Variants in LRP1B observed in about 807,000 individuals in gnomAD.
The protein encoded by LRP1B is low-density lipoprotein receptor-related protein 1B.
Under a neutral mutation model 556.6 loss-of-function variants are expected in LRP1B, and 217 were observed. That is an observed-to-expected ratio of 0.39 (90% CI 0.35 to 0.44). The LOEUF (loss-of-function observed/expected upper bound fraction) is 0.44, where lower values mean the gene tolerates loss of function less well. LRP1B is among the 20% of genes least tolerant of loss of function. The pLI is 1.00. For missense variants in LRP1B, 5,053 were observed against 5,620.8 expected, an observed-to-expected ratio of 0.90 and a Z score of 3.23; for synonymous variants, 2,047 against 1,865.8, an observed-to-expected ratio of 1.10 and a Z score of -2.50.
At chr2:141,247,381 T>C (rs992160400) in intron 4 of LRP1B, 27 bp from the exon 5 acceptor site, 1 of 1,611,200 alleles carries the variant, frequency 6.2e-7, no homozygotes, top group Non-Finnish European at 8.5e-7. Context: ...GCATCATTTC[T>C]AAGCAGCTTT....
At chr2:140,813,060 A>G (rs1036695989) in intron 32 of LRP1B, among the ~76,000 whole-genome samples, 1 of 152,174 alleles carries the variant, frequency 6.6e-6, no homozygotes, top group African/African-American at 2.4e-5. Context: ...GAGGTTAATT[A>G]TTTGCTCCAT....
At position 140,311,066 on chromosome 2, in the gene LRP1B, G is replaced by A. The variant is rs571159983; in HGVS notation, c.12805+3869C>T. ...TGTAGAGACAAGGGAACACTTATAC[G>A]CTGTTGGTGGGAATGTAAATTAGTA... On this transcript the variant is annotated intron_variant, in intron 83 of 90. Coordinates refer to ENST00000389484, the MANE Select transcript of LRP1B (RefSeq NM_018557.3). 7.9e-5 allele frequency among the ~76,000 whole-genome samples: 12 copies of A among 151,856 alleles called. No individual in the cohort carries two copies. The East Asian group carries it at 2.3e-3, about 29-fold the overall frequency.
In LRP1B at chr2:141,746,987, G is replaced by C. The variant is rs1693939772; in HGVS notation, c.205+63292C>G. 5.1e-4 allele frequency among the ~76,000 whole-genome samples: 5 copies of C among 9,720 alleles called. No individual in the cohort carries two copies. The Admixed American group carries it at 0.012, about 24-fold the overall frequency. 6.4% of individuals were successfully genotyped at this position (9,720 alleles called of 152,430 possible). A position where few individuals can be genotyped will look rare whatever the true frequency, so the allele number is the denominator to read the frequency against. ...AATAATTTTGATGAGCGTCCTTCAT[G>C]TTAAAAAAAATCTGAAAAGCCAAAG... is the stretch of plus-strand genomic sequence containing the variant. On this transcript the variant is annotated intron_variant, in intron 2 of 90. Coordinates refer to ENST00000389484, the MANE Select transcript of LRP1B (RefSeq NM_018557.3).
At chr2:140,303,090 TTGTA>T (rs1186150260) in intron 83 of LRP1B, among the ~76,000 whole-genome samples, 6 of 147,126 alleles carry the variant, frequency 4.1e-5, no homozygotes, top group East Asian at 4.0e-4. Flanking sequence ...TTCTTTTTCT[TTGTA>T]TGATACAAAT....
chr2:141,902,703 G>A (rs1699654862), intron 1 of LRP1B, among the ~76,000 whole-genome samples: 1 of 136,824 alleles, frequency 7.3e-6, no homozygotes, highest in Non-Finnish European at 1.7e-5. Flanking sequence ...ATGAACAAAT[G>A]TAGTTGTGTC....
intron 1 of LRP1B, among the ~76,000 whole-genome samples, chr2:141,967,927 T>C (rs975696381): frequency 2.0e-5 from 3 of 151,874 alleles, no homozygotes; most frequent in Non-Finnish European, 4.4e-5. Context: ...TTTATCATAG[T>C]ATATGTTTTT....
At chr2:141,179,821 C>A (rs1680912188) in intron 7 of LRP1B, among the ~76,000 whole-genome samples, 1 of 148,538 alleles carries the variant, frequency 6.7e-6, no homozygotes, top group Non-Finnish European at 1.5e-5. Context: ...AATTTTGGTT[C>A]AATATCCTGC....
intron 3 of LRP1B, among the ~76,000 whole-genome samples, chr2:141,354,033 G>A (rs1468266633): frequency 6.6e-6 from 1 of 151,892 alleles, no homozygotes; most frequent in Non-Finnish European, 1.5e-5. Context: ...ATTAGAGAAG[G>A]GAACAGTAGA....
At chr2:141,892,187 CA>C (rs1429056154) in intron 1 of LRP1B, among the ~76,000 whole-genome samples, 1 of 151,170 alleles carries the variant, frequency 6.6e-6, no homozygotes, top group African/African-American at 2.4e-5. Context: ...GGATCAAATA[CA>C]AAACAAGATG....
intron 55 of LRP1B, among the ~76,000 whole-genome samples, chr2:140,497,158 A>T (rs1322746242): frequency 6.6e-6 from 1 of 152,006 alleles, no homozygotes; most frequent in African/African-American, 2.4e-5. Context: ...TTTACAAGAA[A>T]TGAAACCCTT....
intron 5 of LRP1B, among the ~76,000 whole-genome samples, chr2:141,243,220 C>A (rs1036214978): frequency 1.3e-5 from 2 of 151,156 alleles, no homozygotes; most frequent in African/African-American, 4.9e-5. Context: ...TCGTGGCTCA[C>A]ATATGTGATC....
intron 84 of LRP1B, among the ~76,000 whole-genome samples, chr2:140,284,703 T>C (rs552118844): frequency 1.5e-5 from 2 of 131,626 alleles, no homozygotes; most frequent in Non-Finnish European, 3.3e-5. Flanking sequence ...ATTTCTGATA[T>C]ACATAAATGT....
intron 41 of LRP1B, among the ~76,000 whole-genome samples, chr2:140,624,343 A>C (rs1055793460): frequency 2.6e-5 from 4 of 152,194 alleles, no homozygotes; most frequent in Non-Finnish European, 5.9e-5. Flanking sequence ...TCAAATATTT[A>C]TCAAGAACGT....
chr2:141,608,375 G>C (rs1194274279), intron 2 of LRP1B, among the ~76,000 whole-genome samples: 1 of 152,144 alleles, frequency 6.6e-6, no homozygotes, highest in African/African-American at 2.4e-5. Context: ...GGTGGTAATG[G>C]GAGCAACAGT....
chr2:141,274,851 C>T (rs995228201), intron 3 of LRP1B, among the ~76,000 whole-genome samples: 4 of 152,136 alleles, frequency 2.6e-5, no homozygotes. Flanking sequence ...TGATTTTCAA[C>T]TTCTACTTCT....
chr2:141,809,902 C>T (rs10496900), intron 2 of LRP1B, among the ~76,000 whole-genome samples: 15,015 of 151,410 alleles, frequency 0.099, 808 homozygotes, highest in Middle Eastern at 0.17. Flanking sequence ...TCCCTTTTAG[C>T]GCTATATTTT....
At chr2:142,094,265 AT>A (rs1706277633) in intron 1 of LRP1B, among the ~76,000 whole-genome samples, 1 of 152,074 alleles carries the variant, frequency 6.6e-6, no homozygotes, top group African/African-American at 2.4e-5. Context: ...AATGATTTAA[AT>A]TCCTTTTCAA....
chr2:140,370,448 G>A (rs648848), intron 71 of LRP1B, among the ~76,000 whole-genome samples: 2,283 of 152,006 alleles, frequency 0.015, 68 homozygotes, highest in African/African-American at 0.052. Flanking sequence ...ACTTGACCCG[G>A]CATCTAGTCT....
chr2:140,724,470 A>G (rs1422154356), intron 35 of LRP1B, among the ~76,000 whole-genome samples: 1 of 152,190 alleles, frequency 6.6e-6, no homozygotes, highest in Non-Finnish European at 1.5e-5. Context: ...TATTGGATCT[A>G]TTAAACCCTA....
Sources: allele counts gnomAD v4.1 joint callset (sites outside exome capture counted in the v4.1 genomes callset), GRCh38; gene constraint gnomAD v4.1.1; transcripts MANE v1.5; gene names NCBI Gene and HGNC (gene_info 2026-07-23, HGNC 2026-07-21).